MLLT10: variants seen among roughly 807,000 people sequenced by gnomAD.
MLLT10 encodes MLLT10 histone lysine methyltransferase DOT1L cofactor, also known as protein AF-10.
A neutral mutation model predicts 129.1 loss-of-function variants in MLLT10; 30 were observed. That is an observed-to-expected ratio of 0.23 (90% CI 0.17 to 0.32). The LOEUF (loss-of-function observed/expected upper bound fraction) is 0.32. MLLT10 is among the 10% of genes least tolerant of loss of function. The probability of loss-of-function intolerance (pLI) is 1.00; values close to 1 mark genes in which losing one functional copy is unlikely to be tolerated. For missense variants in MLLT10, 1,119 were observed against 1,268.3 expected (o/e 0.88, Z 1.79); for synonymous variants, 490 against 446.4 (o/e 1.10, Z -1.23).
Position 21,727,902 on chromosome 10 carries a change from C to T in MLLT10, c.2037C>T (p.Ser679=), listed in dbSNP as rs958392178. 1 of 1,613,790 alleles carries T rather than the reference C, an allele frequency of 6.2e-7. No homozygotes were observed. Among genetic ancestry groups the T allele is most frequent in the Non-Finnish European group, 8.5e-7 (1 of 1,179,946 alleles). The change falls in exon 16 of 23, where the codon AGC becomes AGT. Residue 679 remains serine (S), a synonymous_variant. Coordinates refer to ENST00000307729, the MANE Select transcript of MLLT10 (RefSeq NM_001195626.3). ...DNSRNLVGRG[S]SPRGSLSPRS... is the part of the protein sequence containing the mutation. ...GCCGCAACCTAGTTGGCAGAGGAAG[C>T]TCACCCCGAGGAAGTCTCTCGCCAC...
In MLLT10 at chr10:21,743,545, GTGT is replaced by G. The variant is rs761388895; in HGVS notation, c.*1567_*1569del. 1.6e-4 allele frequency: 29 copies of G among 180,390 alleles called. No homozygotes were observed. Among genetic ancestry groups the G allele is most frequent in the South Asian group, 5.9e-4 (3 of 5,064 alleles). The allele number at this position is 180,390 out of a possible 1,614,324, so 11.2% of individuals were successfully genotyped here. ...TTTGTATAAATGGTAAATTTTGAAT[GTGT>G]TGTTATTTTACCTAGATGTAAAATT... is the stretch of plus-strand genomic sequence containing the variant. On this transcript the variant is annotated 3_prime_UTR_variant, in exon 23 of 23. Coordinates refer to ENST00000307729, the MANE Select transcript of MLLT10 (RefSeq NM_001195626.3).
intron 8 of MLLT10, 107 bp from the exon 9 acceptor site, chr10:21,651,566 C>A: frequency 1.5e-6 from 1 of 674,752 alleles, no homozygotes. Context: ...TGATTTTTGA[C>A]AGAAGTATTT....
At chr10:21,583,168 T>C (rs2041647004) in intron 3 of MLLT10, among the ~76,000 whole-genome samples, 1 of 152,124 alleles carries the variant, frequency 6.6e-6, no homozygotes, top group East Asian at 1.9e-4. Flanking sequence ...AGACTCCATC[T>C]CAAAATAAAA....
At chr10:21,644,253 GTAT>G (rs1215021823) in intron 8 of MLLT10, among the ~76,000 whole-genome samples, 3 of 151,984 alleles carry the variant, frequency 2.0e-5, no homozygotes, top group Admixed American at 2.0e-4. Flanking sequence ...ATTAGACTCT[GTAT>G]TATTTTTTGC....
chr10:21,595,293 T>C (rs774745553), intron 4 of MLLT10, 38 bp from the exon 5 acceptor site: 2 of 1,546,818 alleles, frequency 1.3e-6, no homozygotes, highest in East Asian at 4.5e-5. Flanking sequence ...TTGCTTTCGA[T>C]AAAACTGAAA....
intron 14 of MLLT10, among the ~76,000 whole-genome samples, chr10:21,715,786 A>G (rs968316389): frequency 9.9e-5 from 15 of 152,254 alleles, no homozygotes; most frequent in Non-Finnish European, 2.2e-4. Context: ...CAAAGAAATC[A>G]TAGTTGTAAG....
chr10:21,626,365 C>T lies in MLLT10; in HGVS notation c.699+9158C>T, dbSNP rs563511780. On this transcript the variant is annotated intron_variant, in intron 8 of 22. Coordinates refer to ENST00000307729, the MANE Select transcript of MLLT10 (RefSeq NM_001195626.3). ...TGAAAATGACTAGAAATCTCGCACGCGTGCCACCCCCCAAGTCTATGATTC... is the reference window on the plus strand; with the variant it reads ...TGAAAATGACTAGAAATCTCGCACGTGTGCCACCCCCCAAGTCTATGATTC... 2.1e-4 allele frequency: 135 copies of T among 656,000 alleles called. No homozygotes were observed. In the South Asian group the frequency reaches 2.2e-3, roughly 11 times the overall value. The allele number at this position is 656,000 out of a possible 1,614,324, so 40.6% of individuals were successfully genotyped here. A position where few individuals can be genotyped will look rare whatever the true frequency, so the allele number is the denominator to read the frequency against.
At chr10:21,591,752 C>G (rs1178861215) in intron 4 of MLLT10, among the ~76,000 whole-genome samples, 2 of 150,970 alleles carry the variant, frequency 1.3e-5, no homozygotes, top group Non-Finnish European at 3.0e-5. Context: ...GAAATGGAGT[C>G]TCGGTGTGTT....
chr10:21,713,942 A>G lies in MLLT10; in HGVS notation c.1870A>G (p.Thr624Ala), dbSNP rs199939769. Residue 624 changes from threonine to alanine, a missense_variant, in exon 14 of 23, where the codon ACA becomes GCA. Coordinates refer to ENST00000307729, the MANE Select transcript of MLLT10 (RefSeq NM_001195626.3). Reference sequence around the variant, plus strand: ...GTCATCTGCAGCCCCTGCTGTTGCTACAACTCAGGTAAGTTGTTACACTAT... The same window carrying G: ...GTCATCTGCAGCCCCTGCTGTTGCTGCAACTCAGGTAAGTTGTTACACTAT... ...AVSSAAPAVATTQANTLSGSS... is the reference protein window; with the variant it reads ...AVSSAAPAVAATQANTLSGSS... The G allele has an allele frequency of 1.1e-5, 18 of 1,611,058 alleles. No individual in the cohort carries two copies. Among genetic ancestry groups the G allele is most frequent in the African/African-American group, 6.7e-5 (5 of 74,878 alleles).
At chr10:21,720,303 A>C (rs1242995093) in intron 14 of MLLT10, among the ~76,000 whole-genome samples, 1 of 152,222 alleles carries the variant, frequency 6.6e-6, no homozygotes, top group African/African-American at 2.4e-5. Flanking sequence ...TGACAGCTTC[A>C]ACAGTCAGCC....
At chr10:21,597,183 G>T (rs1170769074) in intron 5 of MLLT10, among the ~76,000 whole-genome samples, 1 of 151,984 alleles carries the variant, frequency 6.6e-6, no homozygotes. Flanking sequence ...TGTCACCCCT[G>T]AATACTTCAG....
chr10:21,672,855 T>G (rs997317621), intron 10 of MLLT10, among the ~76,000 whole-genome samples: 3 of 152,202 alleles, frequency 2.0e-5, no homozygotes, highest in Non-Finnish European at 4.4e-5. Context: ...GGAAACTTCT[T>G]AAGTTCTTAT....
At chr10:21,682,326 A>C (rs762436163) in intron 13 of MLLT10, 69 bp downstream of exon 13, 15 of 1,392,216 alleles carry the variant, frequency 1.1e-5, no homozygotes, top group Non-Finnish European at 1.4e-5. Flanking sequence ...GAGAATCTCG[A>C]TTGAAAGCTA....
chr10:21,574,508 A>AG (rs2040532910), intron 3 of MLLT10, among the ~76,000 whole-genome samples: 1 of 152,232 alleles, frequency 6.6e-6, no homozygotes. Context: ...AGTGAAAGCA[A>AG]GTAACTTATT....
At chr10:21,535,229 C>G (rs2033719037) in intron 2 of MLLT10, among the ~76,000 whole-genome samples, 1 of 152,122 alleles carries the variant, frequency 6.6e-6, no homozygotes, top group Non-Finnish European at 1.5e-5. Flanking sequence ...GGCCTGCAGC[C>G]GCCTGTCTGC....
chr10:21,543,691 C>G (rs567922484), intron 3 of MLLT10, among the ~76,000 whole-genome samples: 1 of 152,202 alleles, frequency 6.6e-6, no homozygotes, highest in South Asian at 2.1e-4. Context: ...GTTGGTCAGA[C>G]TGATCTCGAA....
At chr10:21,599,401 A>G (rs1274891102) in intron 5 of MLLT10, among the ~76,000 whole-genome samples, 1 of 152,160 alleles carries the variant, frequency 6.6e-6, no homozygotes, top group Non-Finnish European at 1.5e-5. Flanking sequence ...GTGAATATAC[A>G]TACACACACT....
intron 13 of MLLT10, among the ~76,000 whole-genome samples, chr10:21,702,332 T>G (rs1228594139): frequency 6.6e-6 from 1 of 152,226 alleles, no homozygotes; most frequent in African/African-American, 2.4e-5. Flanking sequence ...TGATTTTGAT[T>G]TTTAAAGATT....
At chr10:21,573,371 T>A (rs2040405769) in intron 3 of MLLT10, among the ~76,000 whole-genome samples, 3 of 152,178 alleles carry the variant, frequency 2.0e-5, no homozygotes, top group Admixed American at 6.6e-5. Flanking sequence ...AAAGATAGTT[T>A]GTTATAGTCA....
Sources: allele counts gnomAD v4.1 joint callset (sites outside exome capture counted in the v4.1 genomes callset), GRCh38; gene constraint gnomAD v4.1.1; transcripts MANE v1.5; gene names NCBI Gene and HGNC (gene_info 2026-07-23, HGNC 2026-07-21).